CYTH1: variants seen among roughly 807,000 people sequenced by gnomAD.
CYTH1 encodes cytohesin-1.
In CYTH1, 18 loss-of-function variants were observed where a neutral mutation model predicts 61.8. The observed-to-expected ratio is 0.29, with a 90% CI of 0.20 to 0.43. The LOEUF (loss-of-function observed/expected upper bound fraction) is 0.43, where lower values mean the gene tolerates loss of function less well. Ranked by LOEUF, CYTH1 falls within the 20% of genes least tolerant of loss-of-function variation. CYTH1 has a pLI of 1.00. For synonymous variants in CYTH1, 174 were observed against 184.3 expected, an observed-to-expected ratio of 0.94 and a Z score of 0.45; for missense variants, 336 against 510.5, an observed-to-expected ratio of 0.66 and a Z score of 3.29.
At chr17:78,767,268 G>C (rs1248908508) in intron 1 of CYTH1, among the ~76,000 whole-genome samples, 1 of 152,138 alleles carries the variant, frequency 6.6e-6, no homozygotes, top group African/African-American at 2.4e-5. Flanking sequence ...AGGAATTCAA[G>C]ACCAGCCTGA....
At chr17:78,682,499 CTCTTGAAACAAGAGGTT>C (rs2092774083) in intron 11 of CYTH1, among the ~76,000 whole-genome samples, 1 of 152,236 alleles carries the variant, frequency 6.6e-6, no homozygotes, top group Non-Finnish European at 1.5e-5. Context: ...CTTCCCTCCT[CTCTTGAAACAAGAGGTT>C]TCAAGATCTC....
chr17:78,690,257 T>C (rs1159092657), intron 11 of CYTH1, among the ~76,000 whole-genome samples: 2 of 150,958 alleles, frequency 1.3e-5, no homozygotes, highest in African/African-American at 2.4e-5. Context: ...TAGCTGGGCG[T>C]GGCAGCAGCG....
chr17:78,701,878 T>C (rs1047029863), intron 5 of CYTH1, 127 bp from the exon 6 acceptor site: 23 of 923,712 alleles, frequency 2.5e-5, no homozygotes, highest in Middle Eastern at 4.4e-4. Flanking sequence ...GACAGCCACT[T>C]GTGCACACTG....
At chr17:78,691,912 TA>T (rs1401513550) in intron 11 of CYTH1, 4 of 153,598 alleles carry the variant, frequency 2.6e-5, no homozygotes, top group Non-Finnish European at 5.8e-5. Flanking sequence ...AAACTCCAGA[TA>T]ATCTCAAATT....
intron 1 of CYTH1, among the ~76,000 whole-genome samples, chr17:78,711,121 G>T (rs902051355): frequency 6.6e-5 from 10 of 151,972 alleles, no homozygotes; most frequent in Non-Finnish European, 1.0e-4. Flanking sequence ...AATTAGCTGG[G>T]CGTGGTGGCA....
chr17:78,776,707 A>T (rs968805205), intron 1 of CYTH1, among the ~76,000 whole-genome samples: 33 of 152,098 alleles, frequency 2.2e-4, no homozygotes, highest in African/African-American at 7.7e-4. Context: ...TTATAAAGAA[A>T]ATGTATGCAA....
chr17:78,701,841 G>A (rs1228641551), intron 5 of CYTH1, 90 bp from the exon 6 acceptor site: 8 of 1,235,746 alleles, frequency 6.5e-6, no homozygotes, highest in African/African-American at 3.0e-5. Flanking sequence ...CCTACACTGC[G>A]TCCTGTGGTC....
At chr17:78,707,396 A>G (rs1337034519) in intron 3 of CYTH1, among the ~76,000 whole-genome samples, 2 of 152,196 alleles carry the variant, frequency 1.3e-5, no homozygotes, top group East Asian at 1.9e-4. Flanking sequence ...ATAAAAGGAA[A>G]AAAAAAAGCA....
chr17:78,711,634 G>T (rs930473842), intron 1 of CYTH1, among the ~76,000 whole-genome samples: 9 of 151,218 alleles, frequency 6.0e-5, no homozygotes, highest in African/African-American at 2.2e-4. Context: ...AAAATCACAA[G>T]AGGGTAGAAA....
At chr17:78,701,892 G>C in intron 5 of CYTH1, 141 bp from the exon 6 acceptor site, 3 of 855,676 alleles carry the variant, frequency 3.5e-6, no homozygotes, top group Non-Finnish European at 5.7e-6. Flanking sequence ...CACACTGTCC[G>C]CAAGAAGACT....
chr17:78,685,030 C>T (rs1176215679), intron 11 of CYTH1, among the ~76,000 whole-genome samples: 1 of 151,972 alleles, frequency 6.6e-6, no homozygotes, highest in Admixed American at 6.6e-5. Flanking sequence ...GAAACCCCAT[C>T]TCTACTAAAA....
At chr17:78,731,888 GA>G (rs1272372511) in intron 1 of CYTH1, among the ~76,000 whole-genome samples, 1 of 152,076 alleles carries the variant, frequency 6.6e-6, no homozygotes, top group East Asian at 1.9e-4. Flanking sequence ...AAATCCAAGG[GA>G]AAAATGAGAG....
chr17:78,760,384 T>TATACAC lies in CYTH1; in HGVS notation c.22+21817_22+21818insGTGTAT, dbSNP rs751494741. On this transcript the variant is annotated intron_variant, in intron 1 of 13. Coordinates refer to ENST00000446868, the MANE Select transcript of CYTH1 (RefSeq NM_004762.6). ...ATATATATATATATATATATATATA[T>TATACAC]ACACACACATACATATATATATGTG... Among the ~76,000 whole-genome samples, 52 of 51,398 alleles carry TATACAC rather than the reference T, an allele frequency of 1.0e-3. 8 individuals carry two copies. The highest frequency in any genetic ancestry group is 0.011 in the Middle Eastern group (1 of 88). 33.7% of individuals were successfully genotyped at this position (51,398 alleles called of 152,430 possible). A position where few individuals can be genotyped will look rare whatever the true frequency, so the allele number is the denominator to read the frequency against.
chr17:78,676,905 C>T, intron 13 of CYTH1: 1 of 434,226 alleles, frequency 2.3e-6, no homozygotes, highest in Non-Finnish European at 4.6e-6. Context: ...AGTCCTGACA[C>T]TTAATTTCTT....
intron 1 of CYTH1, among the ~76,000 whole-genome samples, chr17:78,738,027 T>G (rs2093328091): frequency 6.6e-6 from 1 of 152,192 alleles, no homozygotes; most frequent in South Asian, 2.1e-4. Flanking sequence ...AGTCCCATAT[T>G]GTAAGACTTC....
chr17:78,755,723 C>G (rs1042955975), intron 1 of CYTH1, among the ~76,000 whole-genome samples: 2 of 151,792 alleles, frequency 1.3e-5, no homozygotes, highest in Non-Finnish European at 2.9e-5. Flanking sequence ...TGCTTAAGCC[C>G]AGAAGCTCAA....
intron 13 of CYTH1, chr17:78,678,384 A>G (rs71385974): frequency 0.057 from 8,640 of 152,364 alleles, 458 homozygotes; most frequent in South Asian, 0.15. Flanking sequence ...GCGGTGGAGC[A>G]ACAGGTGCAT....
chr17:78,765,147 G>A (rs1304044153), intron 1 of CYTH1, among the ~76,000 whole-genome samples: 1 of 152,144 alleles, frequency 6.6e-6, no homozygotes, highest in Non-Finnish European at 1.5e-5. Context: ...TTTGCTGAGT[G>A]CATGAGCAGA....
At position 78,742,972 on chromosome 17, in the gene CYTH1, T is replaced by C. The variant is rs370556615; in HGVS notation, c.23-33240A>G. ...ACTAGACAGACATAATGTAGTATTT[T>C]AATGTCTACGCTTCTGTGGTGTGGT... On this transcript the variant is annotated intron_variant, in intron 1 of 13. Transcript: ENST00000446868. 3.9e-5 allele frequency among the ~76,000 whole-genome samples: 6 copies of C among 152,368 alleles called. No homozygotes were observed. The East Asian group carries it at 9.6e-4, about 24-fold the overall frequency.
Sources: gnomAD v4.1 joint callset for allele counts (sites outside exome capture counted in the v4.1 genomes callset) on GRCh38, gnomAD v4.1.1 for gene constraint, MANE v1.5 for transcripts, NCBI Gene and HGNC (gene_info 2026-07-23, HGNC 2026-07-21) for gene names.